The following PTPRM variants were observed in gnomAD, a reference collection of about 807,000 sequenced individuals.
PTPRM encodes protein tyrosine phosphatase receptor type M.
A neutral mutation model predicts 186.7 loss-of-function variants in PTPRM; 47 were observed. The ratio of observed to expected loss-of-function variants is 0.25; its 90% CI spans 0.20 to 0.32. PTPRM has a LOEUF of 0.32. Ranked by LOEUF, PTPRM falls within the 10% of genes least tolerant of loss-of-function variation. The pLI is 1.00. For synonymous variants in PTPRM, 668 were observed against 674.9 expected (o/e 0.99, Z 0.16); for missense variants, 1,494 against 1,865.0 (o/e 0.80, Z 3.66).
At chr18:7,789,516 G>T (rs1318144690) in intron 2 of PTPRM, among the ~76,000 whole-genome samples, 1 of 151,796 alleles carries the variant, frequency 6.6e-6, no homozygotes, top group African/African-American at 2.4e-5. Context: ...ACTTGCTGAA[G>T]ATTAATTTCC....
At chr18:7,719,006 A>G (rs1337991465) in intron 1 of PTPRM, among the ~76,000 whole-genome samples, 1 of 152,230 alleles carries the variant, frequency 6.6e-6, no homozygotes, top group Non-Finnish European at 1.5e-5. Flanking sequence ...TAAAGAACTA[A>G]AAGTAGATCT....
intron 19 of PTPRM, among the ~76,000 whole-genome samples, chr18:8,257,818 AG>A (rs1454345909): frequency 6.6e-6 from 1 of 152,224 alleles, no homozygotes; most frequent in Non-Finnish European, 1.5e-5. Context: ...TCTGCTGAAC[AG>A]GTTTCAACCA....
chr18:7,637,168 A>AG (rs34147654), intron 1 of PTPRM, among the ~76,000 whole-genome samples: 1,234 of 91,732 alleles, frequency 0.013, 8 homozygotes, highest in Non-Finnish European at 0.016. Context: ...ACCCTGACTC[A>AG]AAAAAAAAAA....
intron 14 of PTPRM, among the ~76,000 whole-genome samples, chr18:8,203,948 G>T (rs2093892236): frequency 1.3e-5 from 2 of 152,144 alleles, no homozygotes; most frequent in African/African-American, 4.8e-5. Flanking sequence ...GGAGGGGGTA[G>T]AAAATACATC....
At chr18:7,601,533 G>A (rs1034009175) in intron 1 of PTPRM, among the ~76,000 whole-genome samples, 2 of 152,182 alleles carry the variant, frequency 1.3e-5, no homozygotes, top group African/African-American at 2.4e-5. Flanking sequence ...TGGCTGTTGC[G>A]AGCCTTGGCT....
chr18:8,162,376 T>C (rs1048065527), intron 14 of PTPRM, among the ~76,000 whole-genome samples: 2 of 152,358 alleles, frequency 1.3e-5, no homozygotes, highest in African/African-American at 4.8e-5. Context: ...GCTGGGATTA[T>C]GGGCATGAGC....
At chr18:8,197,509 G>A (rs2093795799) in intron 14 of PTPRM, among the ~76,000 whole-genome samples, 2 of 152,192 alleles carry the variant, frequency 1.3e-5, no homozygotes, top group Admixed American at 6.5e-5. Flanking sequence ...CACAGGACAA[G>A]GTTAAAAGAA....
At chr18:7,661,781 G>A (rs2144390145) in intron 1 of PTPRM, among the ~76,000 whole-genome samples, 1 of 152,270 alleles carries the variant, frequency 6.6e-6, no homozygotes, top group South Asian at 2.1e-4. Flanking sequence ...TCCTGATTGG[G>A]TAAGTATTGA....
intron 23 of PTPRM, among the ~76,000 whole-genome samples, chr18:8,368,812 A>G (rs1257947513): frequency 1.3e-5 from 2 of 152,202 alleles, no homozygotes; most frequent in Non-Finnish European, 2.9e-5. Context: ...ATATGTATAC[A>G]TTGCATATTT....
chr18:7,662,626 T>C (rs902756551), intron 1 of PTPRM, among the ~76,000 whole-genome samples: 1 of 152,046 alleles, frequency 6.6e-6, no homozygotes, highest in Non-Finnish European at 1.5e-5. Context: ...ATAGAAAGAA[T>C]GAATAAGATC....
intron 22 of PTPRM, among the ~76,000 whole-genome samples, chr18:8,332,260 A>G (rs2095415871): frequency 6.6e-6 from 1 of 152,354 alleles, no homozygotes; most frequent in South Asian, 2.1e-4. Context: ...AAAAGAGAAA[A>G]TAGATGATGG....
Position 7,776,738 on chromosome 18 carries a change from C to G in PTPRM, c.196+2467C>G, listed in dbSNP as rs559260959. 1.7e-3 allele frequency among the ~76,000 whole-genome samples: 253 copies of G among 152,220 alleles called. 4 individuals are homozygous for G. The South Asian group carries it at 0.051, about 31-fold the overall frequency. On this transcript the variant is annotated intron_variant, in intron 2 of 32. Coordinates refer to ENST00000580170, the MANE Select transcript of PTPRM (RefSeq NM_001105244.2). Reference sequence around the variant, plus strand: ...AAGTGTGCTATAGACTGGAAGTGTTCTAAAAGCAGTTTCTCAATATCAACC... The same window carrying G: ...AAGTGTGCTATAGACTGGAAGTGTTGTAAAAGCAGTTTCTCAATATCAACC...
chr18:7,963,392 G>T (rs965290390), intron 7 of PTPRM, among the ~76,000 whole-genome samples: 2 of 152,212 alleles, frequency 1.3e-5, no homozygotes, highest in East Asian at 1.9e-4. Context: ...GAGCAATTCT[G>T]CATGAGAGGT....
chr18:7,683,431 C>T (rs1319431367), intron 1 of PTPRM, among the ~76,000 whole-genome samples: 1 of 152,112 alleles, frequency 6.6e-6, no homozygotes, highest in South Asian at 2.1e-4. Context: ...CCTCAGCCTC[C>T]GAAAGCACTG....
intron 7 of PTPRM, among the ~76,000 whole-genome samples, chr18:7,982,325 T>TA (rs2082602066): frequency 6.7e-6 from 1 of 150,170 alleles, no homozygotes; most frequent in South Asian, 2.1e-4. Context: ...TTTTGATACC[T>TA]AAAACACAAA....
intron 13 of PTPRM, among the ~76,000 whole-genome samples, chr18:8,124,665 A>G (rs1450573892): frequency 6.6e-6 from 1 of 152,208 alleles, no homozygotes; most frequent in African/African-American, 2.4e-5. Context: ...TGGGAACCAA[A>G]GGACCTGTAT....
intron 23 of PTPRM, among the ~76,000 whole-genome samples, chr18:8,361,991 C>G (rs2095599752): frequency 2.6e-5 from 4 of 152,192 alleles, no homozygotes; most frequent in Admixed American, 2.0e-4. Flanking sequence ...GAGGTCACAT[C>G]TTGGCAACTT....
intron 2 of PTPRM, among the ~76,000 whole-genome samples, chr18:7,868,340 T>C (rs980015947): frequency 6.6e-6 from 1 of 152,026 alleles, no homozygotes; most frequent in African/African-American, 2.4e-5. Context: ...TTTATCTACC[T>C]TTGGTCTTTG....
At chr18:8,243,850 TG>T (rs1273716622) in intron 14 of PTPRM, among the ~76,000 whole-genome samples, 12 of 152,334 alleles carry the variant, frequency 7.9e-5, no homozygotes, top group Admixed American at 2.6e-4. Flanking sequence ...TATTTTGTTT[TG>T]TTTTTTGAGG....
Sources: gnomAD v4.1 joint callset for allele counts (sites outside exome capture counted in the v4.1 genomes callset) on GRCh38, gnomAD v4.1.1 for gene constraint, MANE v1.5 for transcripts, NCBI Gene and HGNC (gene_info 2026-07-23, HGNC 2026-07-21) for gene names.